Variants in CACNA2D4 observed in about 807,000 individuals in gnomAD.
CACNA2D4 encodes voltage-dependent calcium channel subunit alpha-2/delta-4.
A neutral mutation model predicts 163.8 loss-of-function variants in CACNA2D4; 157 were observed. That is an observed-to-expected ratio of 0.96 (90% CI 0.84 to 1.09). CACNA2D4 has a LOEUF of 1.09. Ranked by LOEUF, CACNA2D4 falls within the 50% of genes least tolerant of loss-of-function variation. The pLI, the probability that CACNA2D4 is intolerant of heterozygous loss-of-function variation, is 0.00. For synonymous variants in CACNA2D4, 598 were observed against 586.9 expected, an observed-to-expected ratio of 1.02 and a Z score of -0.27; for missense variants, 1,410 against 1,479.9, an observed-to-expected ratio of 0.95 and a Z score of 0.78.
intron 37 of CACNA2D4, 48 bp downstream of exon 37, chr12:1,795,251 G>A: frequency 1.3e-6 from 2 of 1,553,846 alleles, no homozygotes; most frequent in Non-Finnish European, 1.8e-6. Flanking sequence ...GGCACAGAGG[G>A]TTTGGGGATG....
At chr12:1,797,882 G>A (rs910598199) in intron 34 of CACNA2D4, among the ~76,000 whole-genome samples, 3 of 152,196 alleles carry the variant, frequency 2.0e-5, no homozygotes, top group Admixed American at 6.5e-5. Context: ...TCTGAGCGGG[G>A]AGCAGAGGCA....
rs1866745763 is a variant in CACNA2D4, at chr12:1,908,993, G to A, written c.486+913C>T. On this transcript the variant is annotated intron_variant, in intron 4 of 37. Coordinates refer to ENST00000382722, the MANE Select transcript of CACNA2D4 (RefSeq NM_172364.5). ...TGGCCTTCCACGCATACTCCCAGCC[G>A]CGTCCCTGCCCTGCTCAAGCCTTCT... Among the ~76,000 whole-genome samples the A allele has an allele frequency of 1.3e-5, 2 of 152,000 alleles. 1 individual carries two copies. The highest frequency in any genetic ancestry group is 4.8e-5 in the African/African-American group (2 of 41,372).
Position 1,878,431 on chromosome 12 carries a change from G to C in CACNA2D4, c.1645-42C>G, listed in dbSNP as rs752770257. On this transcript the variant is annotated intron_variant, in intron 15 of 37. Transcript: ENST00000382722. The surrounding 1 kb of genome is among the most constrained non-coding windows in gnomAD (Gnocchi z 4.6). ...TGGAGGCGCATTAGGCCTGCTGTTT[G>C]TGCTGGGCATCTGGAGTTGGGCAGG... 8 of 1,566,170 alleles carry C rather than the reference G, an allele frequency of 5.1e-6. No individual in the cohort carries two copies. Among genetic ancestry groups the C allele is most frequent in the Non-Finnish European group, 6.9e-6 (8 of 1,155,426 alleles).
Position 1,800,814 on chromosome 12 carries a change from T to C in CACNA2D4, c.2868+229A>G, listed in dbSNP as rs563673183. The C allele has an allele frequency of 3.7e-5, 22 of 597,552 alleles. No individual in the cohort carries two copies. In the African/African-American group the frequency reaches 4.1e-4, roughly 11 times the overall value. 37.0% of individuals were successfully genotyped at this position (597,552 alleles called of 1,614,324 possible). A position where few individuals can be genotyped will look rare whatever the true frequency, so the allele number is the denominator to read the frequency against. ...TCTGTCTCCGCCAGAGGCACTGTTG[T>C]GTCACAACTACCAGAGCAGTCCCTC... On this transcript the variant is annotated intron_variant, in intron 31 of 37. Transcript: ENST00000382722.
chr12:1,898,734 A>C (rs752043512), intron 6 of CACNA2D4, among the ~76,000 whole-genome samples: 7 of 151,794 alleles, frequency 4.6e-5, no homozygotes, highest in Non-Finnish European at 8.8e-5. Context: ...CACAAAATGA[A>C]ATATTATTCA....
rs554840832 is a variant in CACNA2D4, at chr12:1,911,674, G to T, written c.426+1349C>A. 7.2e-5 allele frequency among the ~76,000 whole-genome samples: 11 copies of T among 152,326 alleles called. No homozygotes were observed. In the East Asian group the frequency reaches 2.1e-3, roughly 29 times the overall value. ...GTCCTCAGAGAAAGTCTGCAGAGCA[G>T]CACTTCTTTGGTCTCTGAGGCTGTG... is the stretch of plus-strand genomic sequence containing the variant. On this transcript the variant is annotated intron_variant, in intron 3 of 37. Coordinates refer to ENST00000382722, the MANE Select transcript of CACNA2D4 (RefSeq NM_172364.5).
intron 6 of CACNA2D4, among the ~76,000 whole-genome samples, chr12:1,890,518 G>A (rs1340188109): frequency 1.3e-5 from 2 of 152,200 alleles, no homozygotes; most frequent in Non-Finnish European, 2.9e-5. Context: ...TTGCACTGTG[G>A]GCTGCTGCCA....
chr12:1,815,873 TGAA>T lies in CACNA2D4; in HGVS notation c.2552-4153_2552-4151del, dbSNP rs777121234. ...AAGAAATGGGGATTTAAGTGAGACA[TGAA>T]GAAGAACTTCCTTATGGCAAGAACT... On this transcript the variant is annotated intron_variant, in intron 26 of 37. Transcript: ENST00000382722. Among the ~76,000 whole-genome samples, 249 of 152,328 alleles carry T rather than the reference TGAA, an allele frequency of 1.6e-3. 3 individuals are homozygous for T. Among genetic ancestry groups the T allele is most frequent in the Middle Eastern group, 3.4e-3 (1 of 294 alleles).
intron 36 of CACNA2D4, 136 bp downstream of exon 36, chr12:1,795,532 A>T: frequency 1.1e-6 from 1 of 936,764 alleles, no homozygotes; most frequent in Non-Finnish European, 1.7e-6. Context: ...GGGAAGGGTT[A>T]GAGAACAAAT....
At chr12:1,845,133 T>G (rs576521189) in intron 24 of CACNA2D4, among the ~76,000 whole-genome samples, 54 of 152,122 alleles carry the variant, frequency 3.5e-4, no homozygotes, top group African/African-American at 1.3e-3. Flanking sequence ...GGTGGATAAC[T>G]GAGATTTGGT....
chr12:1,834,326 C>T lies in CACNA2D4; in HGVS notation c.2551+6413G>A, dbSNP rs370258224. On this transcript the variant is annotated intron_variant, in intron 26 of 37. Coordinates refer to ENST00000382722, the MANE Select transcript of CACNA2D4 (RefSeq NM_172364.5). This position sits in a 1 kb window ranked among gnomAD's most constrained non-coding sequence, Gnocchi z 7.6. ...CAAGGAGCTGAGGGGGAAGGACATG[C>T]GGATGGTCCCCATGGAGATGTTCAA... The T allele has an allele frequency of 6.2e-6, 10 of 1,610,676 alleles. No homozygotes were observed. The highest frequency in any genetic ancestry group is 2.7e-5 in the African/African-American group (2 of 74,890).
intron 29 of CACNA2D4, chr12:1,809,644 C>A: frequency 4.4e-6 from 3 of 687,294 alleles, no homozygotes; most frequent in Non-Finnish European, 7.9e-6. Flanking sequence ...TCTCTTTTTC[C>A]TTTCTGAGCA....
intron 6 of CACNA2D4, among the ~76,000 whole-genome samples, chr12:1,892,901 G>C (rs1866320866): frequency 6.6e-6 from 1 of 151,818 alleles, no homozygotes; most frequent in South Asian, 2.1e-4. Flanking sequence ...GATGAAGGAG[G>C]TCATTATATA....
intron 26 of CACNA2D4, among the ~76,000 whole-genome samples, chr12:1,817,112 AG>A (rs1215749210): frequency 6.6e-6 from 1 of 152,198 alleles, no homozygotes; most frequent in Non-Finnish European, 1.5e-5. Flanking sequence ...GTGGGGCATG[AG>A]AGGGATCATC....
At position 1,798,301 on chromosome 12, in the gene CACNA2D4, G is replaced by A. The variant is rs1184984240; in HGVS notation, c.2996-766C>T. Among the ~76,000 whole-genome samples the A allele has an allele frequency of 3.3e-5, 5 of 152,162 alleles. No individual in the cohort carries two copies. The highest frequency in any genetic ancestry group is 4.8e-5 in the African/African-American group (2 of 41,432). ...CACAGGCTGTCTGCATGGCCCTTCT[G>A]TTCTCAGGGCCTGGCTGTGGCCCCC... On this transcript the variant is annotated intron_variant, in intron 34 of 37. Coordinates refer to ENST00000382722, the MANE Select transcript of CACNA2D4 (RefSeq NM_172364.5). The surrounding 1 kb of genome is among the most constrained non-coding windows in gnomAD (Gnocchi z 4.3).
Position 1,810,358 on chromosome 12 carries a change from A to G in CACNA2D4, c.2659-18T>C. 14 of 1,612,784 alleles carry G rather than the reference A, an allele frequency of 8.7e-6. No homozygotes were observed. Among genetic ancestry groups the G allele is most frequent in the Non-Finnish European group, 1.2e-5 (14 of 1,178,974 alleles). ...TCCAGATCCTGGGAGGAAACCCAGAAGGGAGGTTATGCCAGGGCCCTCACC... is the reference window on the plus strand; with the variant it reads ...TCCAGATCCTGGGAGGAAACCCAGAGGGGAGGTTATGCCAGGGCCCTCACC... On this transcript the variant is annotated intron_variant, in intron 28 of 37. Coordinates refer to ENST00000382722, the MANE Select transcript of CACNA2D4 (RefSeq NM_172364.5).
intron 18 of CACNA2D4, among the ~76,000 whole-genome samples, chr12:1,873,818 A>G (rs1865832463): frequency 6.6e-6 from 1 of 152,232 alleles, no homozygotes; most frequent in African/African-American, 2.4e-5. Flanking sequence ...CCAAAATCAG[A>G]CACTGGTCCC....
intron 26 of CACNA2D4, among the ~76,000 whole-genome samples, chr12:1,817,088 A>G (rs568161014): frequency 3.7e-4 from 56 of 152,286 alleles, no homozygotes; most frequent in African/African-American, 1.3e-3. Flanking sequence ...TGCGTGTTGC[A>G]CGGGATAGGG....
rs1342518158 is a variant in CACNA2D4 at position 1,869,768 on chromosome 12, ACC to A, written c.1878+4834_1878+4835del. 7.2e-5 allele frequency among the ~76,000 whole-genome samples: 11 copies of A among 152,348 alleles called. No individual in the cohort carries two copies. The highest frequency in any genetic ancestry group is 2.6e-4 in the African/African-American group (11 of 41,578). ...TCACTCCCAGGGGCTCTGTTCTTTG[ACC>A]AAGCCCTAACCATTTCTCCGCTGAG... On this transcript the variant is annotated intron_variant, in intron 18 of 37. Transcript: ENST00000382722. The surrounding 1 kb of genome is among the most constrained non-coding windows in gnomAD (Gnocchi z 4.7).
Sources: gnomAD v4.1 joint callset for allele counts (sites outside exome capture counted in the v4.1 genomes callset) on GRCh38, gnomAD v4.1.1 for gene constraint, Gnocchi (gnomAD v3.1) non-coding constraint, MANE v1.5 for transcripts, NCBI Gene and HGNC (gene_info 2026-07-23, HGNC 2026-07-21) for gene names.